ITGA8: variants seen among roughly 807,000 people sequenced by gnomAD.
The protein encoded by ITGA8 is integrin subunit alpha 8.
In ITGA8, 91 loss-of-function variants were observed where a neutral mutation model predicts 142.3. That is an observed-to-expected ratio of 0.64 (90% confidence interval 0.54 to 0.76). The LOEUF is 0.76. Among genes scored for constraint, ITGA8 ranks in the 30% least tolerant of loss-of-function variants. The probability of loss-of-function intolerance (pLI) is 0.00; values close to 1 mark genes in which losing one functional copy is unlikely to be tolerated. For missense variants in ITGA8, 1,406 were observed against 1,327.7 expected, an observed-to-expected ratio of 1.06 and a Z score of -0.92; for synonymous variants, 505 against 485.2, an observed-to-expected ratio of 1.04 and a Z score of -0.54.
intron 11 of ITGA8, among the ~76,000 whole-genome samples, chr10:15,653,289 A>G (rs1204167547): frequency 6.6e-6 from 1 of 152,192 alleles, no homozygotes; most frequent in East Asian, 1.9e-4. Context: ...TGGGGATTGT[A>G]TCCCTTCAAA....
intron 27 of ITGA8, among the ~76,000 whole-genome samples, chr10:15,539,183 C>T (rs928701039): frequency 3.0e-4 from 45 of 151,910 alleles, no homozygotes; most frequent in African/African-American, 8.0e-4. Context: ...AGAAGGAGTT[C>T]GTGACTGGCT....
chr10:15,616,503 C>T lies in ITGA8; in HGVS notation c.1445+11G>A. On this transcript the variant is annotated intron_variant, in intron 14 of 29. Transcript: ENST00000378076. Reference sequence around the variant, plus strand: ...AATGAGAAAAACATTTGAATACTACCAACCACATACCTGTAAACAGCGACT... The same window carrying T: ...AATGAGAAAAACATTTGAATACTACTAACCACATACCTGTAAACAGCGACT... 1.9e-6 allele frequency: 3 copies of T among 1,599,134 alleles called. No individual in the cohort carries two copies. The highest frequency in any genetic ancestry group is 2.2e-5 in the South Asian group (2 of 90,782).
chr10:15,565,839 C>T (rs1168824523), intron 25 of ITGA8, among the ~76,000 whole-genome samples: 1 of 151,892 alleles, frequency 6.6e-6, no homozygotes, highest in Non-Finnish European at 1.5e-5. Flanking sequence ...ATCCTCCTGC[C>T]TTGGCCTCCC....
intron 24 of ITGA8, among the ~76,000 whole-genome samples, chr10:15,574,904 T>A (rs1014692383): frequency 4.0e-5 from 6 of 151,788 alleles, no homozygotes; most frequent in Non-Finnish European, 8.8e-5. Context: ...TCCAAATATT[T>A]AAAAAAATGG....
intron 4 of ITGA8, among the ~76,000 whole-genome samples, chr10:15,679,117 C>T (rs778244761): frequency 2.6e-5 from 4 of 152,068 alleles, no homozygotes; most frequent in South Asian, 2.1e-4. Context: ...GAGGCAATAA[C>T]GTGTCTCTCT....
chr10:15,640,503 A>G (rs1396853471), intron 13 of ITGA8, among the ~76,000 whole-genome samples: 1 of 152,278 alleles, frequency 6.6e-6, no homozygotes, highest in Non-Finnish European at 1.5e-5. Context: ...TGGAAAAATC[A>G]CAAAACAAGT....
chr10:15,560,897 G>T (rs1039596695), intron 25 of ITGA8, among the ~76,000 whole-genome samples: 1 of 151,874 alleles, frequency 6.6e-6, no homozygotes, highest in Non-Finnish European at 1.5e-5. Flanking sequence ...TTTTAAAAGG[G>T]TCTCCTTATT....
intron 19 of ITGA8, 40 bp from the exon 20 acceptor site, chr10:15,604,395 T>G (rs1833156426): frequency 6.6e-7 from 1 of 1,513,296 alleles, no homozygotes; most frequent in African/African-American, 1.4e-5. Flanking sequence ...GGTACTCTAC[T>G]TCTTGGCTTC....
Position 15,660,955 on chromosome 10 carries a change from T to A in ITGA8, c.848-33A>T, listed in dbSNP as rs982378463. 7 of 1,575,814 alleles carry A rather than the reference T, an allele frequency of 4.4e-6. No homozygotes were observed. The African/African-American group carries it at 9.4e-5, about 21-fold the overall frequency. On this transcript the variant is annotated intron_variant, in intron 8 of 29. Coordinates refer to ENST00000378076, the MANE Select transcript of ITGA8 (RefSeq NM_003638.3). ...TGAAAATAGCCATTTAGAAGGGGAA[T>A]TACTCACACACACAAACACACACAC... is the stretch of plus-strand genomic sequence containing the variant.
chr10:15,623,292 G>C (rs1833525950), intron 13 of ITGA8, among the ~76,000 whole-genome samples: 1 of 152,122 alleles, frequency 6.6e-6, no homozygotes, highest in African/African-American at 2.4e-5. Flanking sequence ...TTTAAACCCA[G>C]GCAGTCTGGC....
chr10:15,629,313 C>T (rs1031854326), intron 13 of ITGA8, among the ~76,000 whole-genome samples: 2 of 152,034 alleles, frequency 1.3e-5, no homozygotes, highest in African/African-American at 4.8e-5. Flanking sequence ...AAGATCTTCA[C>T]TCTAGGGGGT....
chr10:15,643,960 T>G (rs540313532), intron 13 of ITGA8, 70 bp downstream of exon 13: 21 of 1,387,200 alleles, frequency 1.5e-5, no homozygotes, highest in African/African-American at 1.3e-4. Flanking sequence ...CTTTGCATGA[T>G]GCATTTTTCA....
Position 15,644,024 on chromosome 10 carries a change from C to T in ITGA8, c.1399+6G>A. ...CTCTCACGTGGGAAAAGAAAGAAAA[C>T]CTTACCTGGGTAATCATTCTTGTCT... On this transcript the variant is annotated splice_donor_region_variant and intron_variant, in intron 13 of 29. Transcript: ENST00000378076. The T allele has an allele frequency of 1.2e-6, 2 of 1,608,772 alleles. No homozygotes were observed. The highest frequency in any genetic ancestry group is 1.7e-6 in the Non-Finnish European group (2 of 1,176,352).
intron 27 of ITGA8, among the ~76,000 whole-genome samples, chr10:15,542,873 C>T (rs765777492): frequency 3.3e-5 from 5 of 152,194 alleles, no homozygotes; most frequent in Middle Eastern, 3.4e-3. Flanking sequence ...AGCTACATGG[C>T]GATCACTCAA....
intron 23 of ITGA8, among the ~76,000 whole-genome samples, chr10:15,576,061 C>T (rs961430413): frequency 2.6e-5 from 4 of 151,624 alleles, no homozygotes; most frequent in Non-Finnish European, 5.9e-5. Context: ...TCTAGGATGC[C>T]GTGTGTTGTG....
chr10:15,575,804 C>T (rs981561274), intron 23 of ITGA8, among the ~76,000 whole-genome samples: 1 of 152,090 alleles, frequency 6.6e-6, no homozygotes, highest in African/African-American at 2.4e-5. Context: ...GGCTCTCCAG[C>T]CCAGAGGGCA....
intron 13 of ITGA8, among the ~76,000 whole-genome samples, chr10:15,628,092 T>C (rs969353410): frequency 1.2e-4 from 18 of 151,956 alleles, no homozygotes; most frequent in African/African-American, 3.6e-4. Flanking sequence ...AAAATTACCC[T>C]ATATGGTCTA....
Position 15,614,434 on chromosome 10 carries a change from T to C in ITGA8, c.1446-667A>G, listed in dbSNP as rs144452838. 7.6e-4 allele frequency among the ~76,000 whole-genome samples: 116 copies of C among 152,116 alleles called. 2 individuals carry two copies. In the East Asian group the frequency reaches 0.02, roughly 26 times the overall value. On this transcript the variant is annotated intron_variant, in intron 14 of 29. Transcript: ENST00000378076. Reference sequence around the variant, plus strand: ...CTGCCACACCAACTGAACCAGAACTTATGGGGTAAGGATCAGACATTGGAA... The same window carrying C: ...CTGCCACACCAACTGAACCAGAACTCATGGGGTAAGGATCAGACATTGGAA...
rs113227043 is a variant in ITGA8, at chr10:15,566,877, C to T, written c.2637+5334G>A. On this transcript the variant is annotated intron_variant, in intron 25 of 29. Transcript: ENST00000378076. ...CCTGTAATCCCAGCACTCTGGGAGG[C>T]TGAGGAGTGCTGGGATTACAGGAGT... Among the ~76,000 whole-genome samples, 15 of 69,278 alleles carry T rather than the reference C, an allele frequency of 2.2e-4. 1 individual carries two copies. Among genetic ancestry groups the T allele is most frequent in the African/African-American group, 8.0e-4 (15 of 18,860 alleles). 45.4% of individuals were successfully genotyped at this position (69,278 alleles called of 152,430 possible).
Sources: gnomAD v4.1 joint callset for allele counts (sites outside exome capture counted in the v4.1 genomes callset) on GRCh38, gnomAD v4.1.1 for gene constraint, MANE v1.5 for transcripts, NCBI Gene and HGNC (gene_info 2026-07-23, HGNC 2026-07-21) for gene names.